Variants in MTFR2 observed in about 807,000 individuals in gnomAD.
The protein encoded by MTFR2 is mitochondrial fission regulator 2.
A neutral mutation model predicts 41.2 loss-of-function variants in MTFR2; 44 were observed. The observed-to-expected ratio is 1.07, with a 90% confidence interval of 0.84 to 1.37. The LOEUF is 1.37. Ranked by LOEUF, MTFR2 falls within the 40% of genes most tolerant of loss-of-function variation. The probability of loss-of-function intolerance (pLI) is 0.00; values close to 1 mark genes in which losing one functional copy is unlikely to be tolerated. For missense variants in MTFR2, 452 were observed against 459.5 expected, an observed-to-expected ratio of 0.98 and a Z score of 0.15; for synonymous variants, 141 against 154.6, an observed-to-expected ratio of 0.91 and a Z score of 0.65.
chr6:136,238,835 CAT>C (rs1779973209), intron 6 of MTFR2, among the ~76,000 whole-genome samples: 1 of 152,000 alleles, frequency 6.6e-6, no homozygotes, highest in African/African-American at 2.4e-5. Context: ...GGGAGGCCAA[CAT>C]GGGCAGATCG....
chr6:136,241,114 T>A (rs1372372413), intron 5 of MTFR2, among the ~76,000 whole-genome samples: 1 of 151,640 alleles, frequency 6.6e-6, no homozygotes, highest in Non-Finnish European at 1.5e-5. Flanking sequence ...AAAAGCTTAC[T>A]TAGAAGACAA....
At position 136,239,772 on chromosome 6, in the gene MTFR2, G is replaced by C; in HGVS notation, c.563C>G (p.Ser188Ter). 1 of 1,614,010 alleles carries C rather than the reference G, an allele frequency of 6.2e-7. No homozygotes were observed. Among genetic ancestry groups the C allele is most frequent in the South Asian group, 1.1e-5 (1 of 91,062 alleles). ...CACACTCAGATGGGCAGCCCGCGAT[G>C]ATGACAGCTGACCCAAACTAATGCG... Reference protein sequence around the residue: ...DERISLGQLSSSRAAHLSVDP... With the variant: ...DERISLGQLS Residue 188 changes from serine (S) to a stop codon, truncating the protein, a stop_gained, in exon 6 of 8, where the codon TCA becomes TGA. Coordinates refer to ENST00000420702, the MANE Select transcript of MTFR2 (RefSeq NM_001099286.3). LOFTEE classifies it high-confidence loss of function.
intron 2 of MTFR2, among the ~76,000 whole-genome samples, chr6:136,248,446 G>GT (rs1780273772): frequency 6.6e-6 from 1 of 152,158 alleles, no homozygotes; most frequent in Non-Finnish European, 1.5e-5. Flanking sequence ...AGATGTGATG[G>GT]TTTTATAAAC....
chr6:136,247,276 C>T (rs1583976125), intron 2 of MTFR2, among the ~76,000 whole-genome samples: 2 of 152,046 alleles, frequency 1.3e-5, no homozygotes, highest in Middle Eastern at 6.8e-3. Context: ...ACTTGAACCT[C>T]GGAGCAGAGG....
At chr6:136,239,256 A>G (rs1265748712) in intron 6 of MTFR2, among the ~76,000 whole-genome samples, 1 of 152,190 alleles carries the variant, frequency 6.6e-6, no homozygotes, top group Non-Finnish European at 1.5e-5. Context: ...AGAAATAGCA[A>G]ATAAGTATGT....
chr6:136,241,090 CAA>C (rs57165504), intron 5 of MTFR2, among the ~76,000 whole-genome samples: 26 of 63,262 alleles, frequency 4.1e-4, no homozygotes, highest in South Asian at 1.2e-3. Flanking sequence ...GACTGCGTCT[CAA>C]AAAAAAAAAA....
chr6:136,247,688 A>G, intron 2 of MTFR2: 1 of 392,064 alleles, frequency 2.6e-6, no homozygotes, highest in Non-Finnish European at 5.0e-6. Flanking sequence ...ATATTCTTCA[A>G]ACTACTCCAA....
intron 4 of MTFR2, 86 bp from the exon 5 acceptor site, chr6:136,241,762 C>A: frequency 1.3e-5 from 13 of 999,880 alleles, no homozygotes; most frequent in Admixed American, 2.7e-5. Context: ...ACGTGAAAAT[C>A]AAAAGACAAT....
intron 6 of MTFR2, among the ~76,000 whole-genome samples, chr6:136,236,181 T>A (rs1273016011): frequency 6.6e-6 from 1 of 152,064 alleles, no homozygotes; most frequent in African/African-American, 2.4e-5. Context: ...TGAGAGTACA[T>A]GTGTTTTGAA....
At chr6:136,245,492 T>C (rs1336791616) in intron 2 of MTFR2, among the ~76,000 whole-genome samples, 1 of 152,160 alleles carries the variant, frequency 6.6e-6, no homozygotes, top group African/African-American at 2.4e-5. Flanking sequence ...GTGTAAACCA[T>C]TGCCACAGGA....
At chr6:136,233,268 C>T (rs1468504902) in intron 7 of MTFR2, 57 bp downstream of exon 7, 15 of 1,469,300 alleles carry the variant, frequency 1.0e-5, no homozygotes, top group African/African-American at 1.4e-5. Context: ...AAAGCTGTAA[C>T]ATAAACAACA....
At chr6:136,234,256 C>G (rs1779845221) in intron 6 of MTFR2, among the ~76,000 whole-genome samples, 1 of 145,350 alleles carries the variant, frequency 6.9e-6, no homozygotes, top group South Asian at 2.2e-4. Context: ...TGCAGCAAGT[C>G]ATGGCACCAC....
Position 136,239,471 on chromosome 6 carries a change from A to G in MTFR2, c.864T>C (p.Ile288=), listed in dbSNP as rs777927099. 1 of 1,593,776 alleles carries G rather than the reference A, an allele frequency of 6.3e-7. No individual in the cohort carries two copies. Among genetic ancestry groups the G allele is most frequent in the East Asian group, 2.2e-5 (1 of 44,472 alleles). The change falls in exon 6 of 8, where the codon ATT becomes ATC. Residue 288 remains isoleucine (I), a synonymous_variant. Transcript: ENST00000420702. ...TTCAAATTACAACAACATACCGCTC[A>G]ATTGCACGAAGCTTAACCTTATTCA... The part of the protein sequence containing the change: ...KDMNKVKLRA[I]ERSPGGRPIH...
rs1307595210 is a variant in MTFR2, at chr6:136,244,788, G to A, written c.145C>T (p.Pro49Ser). 1 of 1,612,130 alleles carries A rather than the reference G, an allele frequency of 6.2e-7. No homozygotes were observed. Among genetic ancestry groups the A allele is most frequent in the Non-Finnish European group, 8.5e-7 (1 of 1,179,062 alleles). ...RIIGKMLPLEPCRRPNFELIP... is the reference protein window; with the variant it reads ...RIIGKMLPLESCRRPNFELIP... The stretch of plus-strand genomic sequence containing the variant: ...ACCTCAAAATTAGGTCTTCGACAAG[G>A]TTCCAGTGGAAGCATTTTCCCAATA... Residue 49 changes from proline (P) to serine (S), a missense_variant, in exon 3 of 8, where the codon CCT (proline) becomes TCT (serine). By Grantham distance (74) the Pro-to-Ser change is moderately conservative. Coordinates refer to ENST00000420702, the MANE Select transcript of MTFR2 (RefSeq NM_001099286.3).
intron 6 of MTFR2, among the ~76,000 whole-genome samples, chr6:136,235,660 G>A (rs1221257256): frequency 2.0e-5 from 3 of 152,210 alleles, no homozygotes; most frequent in South Asian, 2.1e-4. Flanking sequence ...CAGGCTAGGC[G>A]CAGTGGCTCA....
At chr6:136,234,018 G>A (rs1779838363) in intron 6 of MTFR2, among the ~76,000 whole-genome samples, 2 of 152,008 alleles carry the variant, frequency 1.3e-5, no homozygotes, top group South Asian at 2.1e-4. Context: ...TCATTTGGCT[G>A]GTAATAAGAG....
intron 3 of MTFR2, among the ~76,000 whole-genome samples, chr6:136,243,785 G>T (rs1263035603): frequency 6.6e-6 from 1 of 152,012 alleles, no homozygotes; most frequent in African/African-American, 2.4e-5. Flanking sequence ...CCAGGAGAAG[G>T]TATTGTTATT....
At chr6:136,247,543 T>C (rs1780244234) in intron 2 of MTFR2, 1 of 456,104 alleles carries the variant, frequency 2.2e-6, no homozygotes, top group Non-Finnish European at 4.4e-6. Flanking sequence ...ATGACAAATA[T>C]GCTGAAGTTA....
Position 136,249,129 on chromosome 6 carries a change from AG to A in MTFR2, c.-31del, listed in dbSNP as rs776658294. Reference sequence around the variant, plus strand: ...GAAGCAAATACAGAAGCCAATTCAAAGGAACATTATCAGTTTCTTGGTGCCT... The same window carrying A: ...GAAGCAAATACAGAAGCCAATTCAAAGAACATTATCAGTTTCTTGGTGCCT... On this transcript the variant is annotated 5_prime_UTR_variant, in exon 2 of 8. The change abolishes the stop of an existing upstream ORF in the 5' untranslated region. Coordinates refer to ENST00000420702, the MANE Select transcript of MTFR2 (RefSeq NM_001099286.3). The A allele has an allele frequency of 6.4e-6, 10 of 1,550,626 alleles. No individual in the cohort carries two copies. In the African/African-American group the frequency reaches 1.4e-4, roughly 22 times the overall value.
Sources: gnomAD v4.1 joint callset for allele counts (sites outside exome capture counted in the v4.1 genomes callset) on GRCh38, gnomAD v4.1.1 for gene constraint, MANE v1.5 for transcripts, NCBI Gene and HGNC (gene_info 2026-07-23, HGNC 2026-07-21) for gene names.